GPR15LG: variants seen among roughly 807,000 people sequenced by gnomAD.
GPR15LG encodes G protein-coupled receptor 15 ligand.
chr10:84,176,142 C>G, the GPR15LG span, among the ~76,000 whole-genome samples: 1 of 152,226 alleles, frequency 6.6e-6, no homozygotes, highest in Non-Finnish European at 1.5e-5. Context: ...CCCACCTCAG[C>G]CTCCCAAAGA....
At chr10:84,178,891 T>A in the GPR15LG span, among the ~76,000 whole-genome samples, 1 of 152,204 alleles carries the variant, frequency 6.6e-6, no homozygotes, top group African/African-American at 2.4e-5. Context: ...TGCCATGTGA[T>A]CTCATTTAAA....
chr10:84,179,593 A>C, the GPR15LG span, among the ~76,000 whole-genome samples: 1 of 152,254 alleles, frequency 6.6e-6, no homozygotes, highest in Non-Finnish European at 1.5e-5. Flanking sequence ...AAGCCCGTGC[A>C]TCTGTCTGTA....
At chr10:84,177,524 G>A in the GPR15LG span, among the ~76,000 whole-genome samples, 3 of 152,172 alleles carry the variant, frequency 2.0e-5, no homozygotes, top group Admixed American at 1.3e-4. Flanking sequence ...GACCAGCGCC[G>A]GAGCCTCCAT....
chr10:84,174,108 G>T, the GPR15LG span, among the ~76,000 whole-genome samples: 1 of 152,182 alleles, frequency 6.6e-6, no homozygotes, highest in Non-Finnish European at 1.5e-5. Flanking sequence ...AGGTGGCTTG[G>T]GGGTTCCATT....
At chr10:84,181,832 A>C in the GPR15LG span, among the ~76,000 whole-genome samples, 3 of 152,226 alleles carry the variant, frequency 2.0e-5, no homozygotes, top group Non-Finnish European at 4.4e-5. Context: ...AGCTGGGGTC[A>C]GACTGATGGC....
the GPR15LG span, chr10:84,176,650 C>A: frequency 3.1e-6 from 3 of 957,750 alleles, no homozygotes; most frequent in Non-Finnish European, 4.9e-6. Context: ...CTGATCAGCC[C>A]CCACCCATGG....
the GPR15LG span, among the ~76,000 whole-genome samples, chr10:84,177,772 C>T: frequency 6.6e-6 from 1 of 152,218 alleles, no homozygotes; most frequent in Non-Finnish European, 1.5e-5. Context: ...CAGGCTGTGG[C>T]TCTGCTCCCC....
the GPR15LG span, among the ~76,000 whole-genome samples, chr10:84,175,066 T>G: frequency 6.6e-6 from 1 of 152,258 alleles, no homozygotes; most frequent in Non-Finnish European, 1.5e-5. Flanking sequence ...CTTTTTTATT[T>G]ATCACTATAT....
the GPR15LG span, among the ~76,000 whole-genome samples, chr10:84,182,073 G>A: frequency 2.0e-5 from 3 of 152,236 alleles, no homozygotes; most frequent in Non-Finnish European, 2.9e-5. Flanking sequence ...GGCTGGAAGG[G>A]GCACAGAGAG....
At chr10:84,183,454 G>A in the GPR15LG span, among the ~76,000 whole-genome samples, 28 of 151,970 alleles carry the variant, frequency 1.8e-4, no homozygotes, top group African/African-American at 6.5e-4. Context: ...TCATTTGTGT[G>A]TCCTTTGTTT....
At chr10:84,180,851 G>A in the GPR15LG span, among the ~76,000 whole-genome samples, 15 of 152,382 alleles carry the variant, frequency 9.8e-5, no homozygotes, top group South Asian at 8.3e-4. Flanking sequence ...TCGGGAGGCC[G>A]AGGCTGGCAG....
the GPR15LG span, among the ~76,000 whole-genome samples, chr10:84,178,249 G>A: frequency 3.4e-5 from 5 of 146,788 alleles, no homozygotes; most frequent in Non-Finnish European, 6.0e-5. Flanking sequence ...ACAAACACAC[G>A]GACACATACA....
chr10:84,182,596 C>T, the GPR15LG span, among the ~76,000 whole-genome samples: 160 of 152,300 alleles, frequency 1.1e-3, no homozygotes, highest in African/African-American at 3.8e-3. Flanking sequence ...CACGTGGTGT[C>T]TGCAGAGTTC....
At chr10:84,184,044 G>T in the GPR15LG span, among the ~76,000 whole-genome samples, 692 of 151,904 alleles carry the variant, frequency 4.6e-3, 6 homozygotes, top group African/African-American at 0.016. Flanking sequence ...TATGGGCCAG[G>T]CATGGTGGCT....
the GPR15LG span, chr10:84,184,549 G>T: frequency 1.0e-6 from 1 of 970,400 alleles, no homozygotes; most frequent in Non-Finnish European, 1.6e-6. Context: ...TCTAATTCTT[G>T]CTTTGAAATT....
the GPR15LG span, among the ~76,000 whole-genome samples, chr10:84,182,589 G>T: frequency 1.3e-5 from 2 of 152,188 alleles, 1 homozygote; most frequent in East Asian, 3.8e-4. Context: ...GACTGTTCAC[G>T]TGGTGTCTGC....
the GPR15LG span, among the ~76,000 whole-genome samples, chr10:84,180,408 G>A: frequency 3.0e-4 from 45 of 151,192 alleles, 1 homozygote; most frequent in East Asian, 6.6e-3. Flanking sequence ...CCTCCCAGAC[G>A]GGGTGGCGGC....
chr10:84,174,192 A>T, the GPR15LG span, among the ~76,000 whole-genome samples: 1 of 152,174 alleles, frequency 6.6e-6, no homozygotes, highest in Non-Finnish European at 1.5e-5. Context: ...CACACATACA[A>T]CCTCTCAGCT....
At chr10:84,184,729 G>A in the GPR15LG span, 24,782 of 1,613,734 alleles carry the variant, frequency 0.015, 221 homozygotes, top group Non-Finnish European at 0.019. Flanking sequence ...CCAGAGCCCC[G>A]CCTTTGGGTG....
Sources: allele counts gnomAD v4.1 joint callset (sites outside exome capture counted in the v4.1 genomes callset), GRCh38; gene constraint gnomAD v4.1.1; transcripts MANE v1.5; gene names NCBI Gene and HGNC (gene_info 2026-07-23, HGNC 2026-07-21).